Variants in NAGPA observed in about 807,000 individuals in gnomAD.
NAGPA encodes the protein alpha-N-acetylglucosaminyl phosphodiesterase.
NAGPA carries 56 observed loss-of-function variants against 48.5 expected under a neutral mutation model. That is an observed-to-expected ratio of 1.15 (90% confidence interval 0.93 to 1.44). The LOEUF (loss-of-function observed/expected upper bound fraction) is 1.44. Ranked by LOEUF, NAGPA falls within the 40% of genes most tolerant of loss-of-function variation. The pLI, the probability that NAGPA is intolerant of heterozygous loss-of-function variation, is 0.00. For synonymous variants in NAGPA, 399 were observed against 315.5 expected, an observed-to-expected ratio of 1.26 and a Z score of -2.81; for missense variants, 888 against 735.0, an observed-to-expected ratio of 1.21 and a Z score of -2.41.
chr16:5,028,363 CA>C (rs1567139330), intron 5 of NAGPA, 178 bp from the exon 6 acceptor site: 1 of 1,230,044 alleles, frequency 8.1e-7, no homozygotes, highest in Admixed American at 2.0e-5. Context: ...GCCTCCTGAG[CA>C]GCTGTAACCG....
intron 3 of NAGPA, 35 bp downstream of exon 3, chr16:5,031,710 C>T (rs747598022): frequency 7.4e-6 from 12 of 1,613,784 alleles, no homozygotes; most frequent in Middle Eastern, 1.6e-4. Flanking sequence ...TCCTGGTTCT[C>T]GAGAGGGTTG....
chr16:5,027,981 C>G lies in NAGPA; in HGVS notation c.1125G>C (p.Glu375Asp), dbSNP rs1956033666. 1 of 1,613,790 alleles carries G rather than the reference C, an allele frequency of 6.2e-7. No homozygotes were observed. ...SNCSQHGLCTETGCRCDAGWT... is the reference protein window; with the variant it reads ...SNCSQHGLCTDTGCRCDAGWT... ...CCCCTCCCCAGAACCCCCACTCACT[C>G]TCCGTGCACAGTCCGTGCTGGCTGC... is the stretch of plus-strand genomic sequence containing the variant. Residue 375 changes from glutamate (E) to aspartate (D), a missense_variant and splice_region_variant, in exon 6 of 10, where the codon GAG becomes GAC. By Grantham distance (45) the Glu-to-Asp change is conservative. Coordinates refer to ENST00000312251, the MANE Select transcript of NAGPA (RefSeq NM_016256.4).
intron 9 of NAGPA, among the ~76,000 whole-genome samples, chr16:5,026,320 C>T (rs1246206314): frequency 1.4e-5 from 2 of 147,160 alleles, no homozygotes; most frequent in Non-Finnish European, 1.5e-5. Flanking sequence ...CTTAGGCGGG[C>T]GTATCACTTG....
At chr16:5,031,676 G>C in intron 3 of NAGPA, 69 bp downstream of exon 3, 2 of 1,603,760 alleles carry the variant, frequency 1.2e-6, no homozygotes, top group Non-Finnish European at 1.7e-6. Context: ...AAAGACTTAA[G>C]AACAGCTCCG....
chr16:5,025,380 C>T lies in NAGPA; in HGVS notation c.*98G>A. 1 of 1,437,910 alleles carries T rather than the reference C, an allele frequency of 7.0e-7. No individual in the cohort carries two copies. Among genetic ancestry groups the T allele is most frequent in the Non-Finnish European group, 9.5e-7 (1 of 1,048,584 alleles). 89.1% of individuals were successfully genotyped at this position (1,437,910 alleles called of 1,614,324 possible). ...CTGCCCCACAGGGGCTGAGGACACC[C>T]AGATGGTCCACGCCAGTGGCCTTGA... On this transcript the variant is annotated 3_prime_UTR_variant, in exon 10 of 10. Coordinates refer to ENST00000312251, the MANE Select transcript of NAGPA (RefSeq NM_016256.4).
At chr16:5,031,563 C>A in intron 3 of NAGPA, 182 bp downstream of exon 3, 1 of 791,988 alleles carries the variant, frequency 1.3e-6, no homozygotes, top group Non-Finnish European at 2.1e-6. Context: ...TATTCTATAA[C>A]TATTTTTTGT....
Position 5,030,488 on chromosome 16 carries a change from A to G in NAGPA, c.688T>C (p.Phe230Leu), listed in dbSNP as rs556410594. The G allele has an allele frequency of 1.3e-6, 2 of 1,552,532 alleles. No individual in the cohort carries two copies. The highest frequency in any genetic ancestry group is 2.7e-5 in the African/African-American group (2 of 73,114). The change falls in exon 4 of 10, where the codon TTT (phenylalanine) becomes CTT (leucine). Residue 230 changes from phenylalanine (F) to leucine (L), a missense_variant. Physicochemically the swap from Phe to Leu is conservative, Grantham distance 22. Transcript: ENST00000312251. Reference sequence around the variant, plus strand: ...GATATCACATTCACAAATTTGCTAAAGGAACCTGAAGGAAAAGCAGCCTGG... The same window carrying G: ...GATATCACATTCACAAATTTGCTAAGGGAACCTGAAGGAAAAGCAGCCTGG... The part of the protein sequence containing the change: ...ECDETQETGS[F>L]SKFVNVISAR...
chr16:5,031,893 G>T lies in NAGPA; in HGVS notation c.543-9C>A, dbSNP rs765295358. 1 of 1,614,066 alleles carries T rather than the reference G, an allele frequency of 6.2e-7. No homozygotes were observed. Among genetic ancestry groups the T allele is most frequent in the Non-Finnish European group, 8.5e-7 (1 of 1,179,976 alleles). ...CCTCCTCAGACAGGTACCTGGATCC[G>T]GGGAAGGTGGGAAGCTCACTCACCA... On this transcript the variant is annotated splice_polypyrimidine_tract_variant and intron_variant, in intron 2 of 9. Coordinates refer to ENST00000312251, the MANE Select transcript of NAGPA (RefSeq NM_016256.4).
At chr16:5,031,496 C>A (rs941397758) in intron 3 of NAGPA, 1 of 517,088 alleles carries the variant, frequency 1.9e-6, no homozygotes, top group Non-Finnish European at 3.5e-6. Context: ...GTCCCCATCT[C>A]TCCCCTTTCC....
chr16:5,032,042 T>C (rs1208204298), intron 2 of NAGPA, among the ~76,000 whole-genome samples, 158 bp from the exon 3 acceptor site: 1 of 152,110 alleles, frequency 6.6e-6, no homozygotes, highest in Non-Finnish European at 1.5e-5. Flanking sequence ...TTAACAGCCC[T>C]AGGAATCTCC....
chr16:5,033,626 A>G lies in NAGPA; in HGVS notation c.189T>C (p.Ser63=). 1 of 1,527,504 alleles carries G rather than the reference A, an allele frequency of 6.5e-7. No individual in the cohort carries two copies. Among genetic ancestry groups the G allele is most frequent in the Admixed American group, 2.1e-5 (1 of 48,270 alleles). 94.6% of individuals were successfully genotyped at this position (1,527,504 alleles called of 1,614,324 possible). The change falls in exon 2 of 10, where the codon AGT becomes AGC. Residue 63 remains serine, a synonymous_variant. Transcript: ENST00000312251. The surrounding 1 kb of genome is among the most constrained non-coding windows in gnomAD (Gnocchi z 4.2). ...CGGGAGTCGCGGGAGGCGGAGGCCA[A>G]CTCTCGTGCTCGCGGTTGCCGGCGC... ...RVRAGNREHE[S]WPPPPATPGA...
In NAGPA at chr16:5,033,578, G is replaced by A. The variant is rs548814834; in HGVS notation, c.237C>T (p.Arg79=). The change falls in exon 2 of 10, where the codon CGC becomes CGT. Residue 79 remains arginine, a synonymous_variant. Coordinates refer to ENST00000312251, the MANE Select transcript of NAGPA (RefSeq NM_016256.4). The surrounding 1 kb of genome is among the most constrained non-coding windows in gnomAD (Gnocchi z 4.2). ...ATPGAGGLAV[R]TFVSHFRDRA... is the part of the protein sequence containing the mutation. Reference sequence around the variant, plus strand: ...GGTCCCTGAAGTGCGACACGAAGGTGCGCACGGCCAGACCGCCGGCGCCGG... The same window carrying A: ...GGTCCCTGAAGTGCGACACGAAGGTACGCACGGCCAGACCGCCGGCGCCGG... The A allele has an allele frequency of 4.7e-6, 7 of 1,492,908 alleles. No homozygotes were observed. The African/African-American group carries it at 8.7e-5, about 18-fold the overall frequency. The allele number at this position is 1,492,908 out of a possible 1,614,324, so 92.5% of individuals were successfully genotyped here.
Position 5,031,814 on chromosome 16 carries a change from G to C in NAGPA, c.613C>G (p.Leu205Val), listed in dbSNP as rs1285469871. ...ATGTAGATGCTTCCATTACGAATCA[G>C]CCACACGACCCCACTCAGCAGCTGC... Reference protein sequence around the residue: ...FVQLLSGVVWLIRNGSIYINE... With the variant: ...FVQLLSGVVWVIRNGSIYINE... The change falls in exon 3 of 10, where the codon CTG becomes GTG. Residue 205 changes from leucine to valine, a missense_variant. By Grantham distance (32) the Leu-to-Val change is conservative. Coordinates refer to ENST00000312251, the MANE Select transcript of NAGPA (RefSeq NM_016256.4). 1.2e-6 allele frequency: 2 copies of C among 1,614,136 alleles called. No homozygotes were observed. The highest frequency in any genetic ancestry group is 1.1e-5 in the South Asian group (1 of 91,080).
chr16:5,030,370 G>T lies in NAGPA; in HGVS notation c.791+15C>A. 1 of 1,549,008 alleles carries T rather than the reference G, an allele frequency of 6.5e-7. No homozygotes were observed. The highest frequency in any genetic ancestry group is 8.7e-7 in the Non-Finnish European group (1 of 1,145,946). ...ACTGAGCCCCGGCCGGGGGGCCTCA[G>T]CTCCCAGGACTCACCCACGCTGCTC... On this transcript the variant is annotated intron_variant, in intron 4 of 9. Transcript: ENST00000312251.
chr16:5,031,550 G>T, intron 3 of NAGPA, 195 bp downstream of exon 3: 1 of 732,300 alleles, frequency 1.4e-6, no homozygotes, highest in Non-Finnish European at 2.3e-6. Context: ...ATTCTTTTCA[G>T]CATATTCTAT....
At chr16:5,027,415 A>C in intron 7 of NAGPA, 36 bp from the exon 8 acceptor site, 1 of 1,463,744 alleles carries the variant, frequency 6.8e-7, no homozygotes, top group Non-Finnish European at 9.5e-7. Context: ...AGGAGGGAGG[A>C]GAAAGGTTGG....
intron 7 of NAGPA, 106 bp from the exon 8 acceptor site, chr16:5,027,485 C>T (rs548613169): frequency 8.2e-7 from 1 of 1,217,616 alleles, no homozygotes; most frequent in South Asian, 1.3e-5. Context: ...CCCATGTGTA[C>T]AGAGCCGGGC....
rs768082003 is a variant in NAGPA, at chr16:5,031,740, C to G, written c.682+5G>C. 4.3e-6 allele frequency: 7 copies of G among 1,614,130 alleles called. No homozygotes were observed. The highest frequency in any genetic ancestry group is 1.1e-5 in the South Asian group (1 of 91,078). ...GGGTTGTTGCCAACAGCCTCCCCATCCAACCTGTCTCCTGTGTCTCGTCAC... is the reference window on the plus strand; with the variant it reads ...GGGTTGTTGCCAACAGCCTCCCCATGCAACCTGTCTCCTGTGTCTCGTCAC... On this transcript the variant is annotated splice_donor_5th_base_variant and intron_variant, in intron 3 of 9. Coordinates refer to ENST00000312251, the MANE Select transcript of NAGPA (RefSeq NM_016256.4).
chr16:5,025,616 G>C lies in NAGPA; in HGVS notation c.1410C>G (p.Ser470=). The C allele has an allele frequency of 1.2e-6, 2 of 1,613,980 alleles. No individual in the cohort carries two copies. Among genetic ancestry groups the C allele is most frequent in the Non-Finnish European group, 1.7e-6 (2 of 1,180,016 alleles). The change falls in exon 10 of 10, where the codon TCC becomes TCG. Residue 470 remains serine (S), a synonymous_variant. Coordinates refer to ENST00000312251, the MANE Select transcript of NAGPA (RefSeq NM_016256.4). ...TCCTCTCTGCTCTGGACAGGAGCAA[G>C]GACAGGTTTGCTGCAGTGCTGATCA... ...LLLISTAANL[S]LLLSRAERNR... is the part of the protein sequence containing the mutation.
Sources: allele counts gnomAD v4.1 joint callset (sites outside exome capture counted in the v4.1 genomes callset), GRCh38; gene constraint gnomAD v4.1.1; non-coding constraint Gnocchi (gnomAD v3.1); transcripts MANE v1.5; gene names NCBI Gene and HGNC (gene_info 2026-07-23, HGNC 2026-07-21).